The following ZNF438 variants were observed in gnomAD, a reference collection of about 807,000 sequenced individuals.
The protein encoded by ZNF438 is zinc finger protein 438.
Under a neutral mutation model 38.0 loss-of-function variants are expected in ZNF438, and 25 were observed. That is an observed-to-expected ratio of 0.66 (90% CI 0.48 to 0.92). The LOEUF (loss-of-function observed/expected upper bound fraction) is 0.92. Ranked by LOEUF, ZNF438 falls within the 40% of genes least tolerant of loss-of-function variation. The pLI, the probability that ZNF438 is intolerant of heterozygous loss-of-function variation, is 0.00. For synonymous variants in ZNF438, 372 were observed against 364.1 expected (o/e 1.02, Z -0.25); for missense variants, 1,007 against 999.6 (o/e 1.01, Z -0.10).
intron 1 of ZNF438, among the ~76,000 whole-genome samples, chr10:31,006,657 G>T (rs35645587): frequency 0.014 from 2,146 of 151,882 alleles, 26 homozygotes; most frequent in Non-Finnish European, 0.019. Flanking sequence ...CCTGAGACTT[G>T]CTGTGAGACT....
intron 1 of ZNF438, among the ~76,000 whole-genome samples, chr10:30,961,607 C>G (rs1388863099): frequency 4.1e-5 from 6 of 146,378 alleles, no homozygotes; most frequent in African/African-American, 1.5e-4. Flanking sequence ...AAGAATAGGG[C>G]TGGGCACAGT....
chr10:31,008,342 T>C (rs1025080062), intron 1 of ZNF438, among the ~76,000 whole-genome samples: 4 of 152,228 alleles, frequency 2.6e-5, no homozygotes, highest in Non-Finnish European at 5.9e-5. Flanking sequence ...TACAATTCCA[T>C]GGTTTTAGTA....
chr10:30,991,694 C>T (rs996165380), intron 1 of ZNF438, among the ~76,000 whole-genome samples: 2 of 152,170 alleles, frequency 1.3e-5, no homozygotes, highest in Non-Finnish European at 2.9e-5. Flanking sequence ...CCCCAGGATA[C>T]AAGCAGCAAC....
intron 1 of ZNF438, among the ~76,000 whole-genome samples, chr10:31,029,838 A>G (rs556100277): frequency 6.6e-5 from 10 of 152,320 alleles, no homozygotes; most frequent in African/African-American, 2.4e-4. Flanking sequence ...GCTGTGCTCT[A>G]AACACTCTCA....
At chr10:30,849,527 G>C (rs1335646281) in exon 5 of ZNF438, 1 of 1,614,242 alleles carries the variant, frequency 6.2e-7, no homozygotes, top group African/African-American at 1.3e-5. Flanking sequence ...GGGTGGGATT[G>C]GCAGTTTCCC....
At chr10:30,993,217 A>C (rs557345680) in intron 1 of ZNF438, among the ~76,000 whole-genome samples, 1 of 152,346 alleles carries the variant, frequency 6.6e-6, no homozygotes, top group South Asian at 2.1e-4. Flanking sequence ...GGACAATTAG[A>C]GAAAGACTCC....
At chr10:30,857,942 A>C (rs2034947147) in intron 4 of ZNF438, among the ~76,000 whole-genome samples, 2 of 152,378 alleles carry the variant, frequency 1.3e-5, no homozygotes, top group South Asian at 2.1e-4. Context: ...AGATAGCTAC[A>C]AACAGCTCAC....
chr10:31,018,664 T>A (rs1413688216), intron 1 of ZNF438, among the ~76,000 whole-genome samples: 3 of 152,244 alleles, frequency 2.0e-5, no homozygotes, highest in African/African-American at 7.2e-5. Flanking sequence ...AATAAACTGA[T>A]GCCAAAAACC....
At chr10:30,881,799 G>A (rs1431363367) in intron 3 of ZNF438, among the ~76,000 whole-genome samples, 2 of 152,112 alleles carry the variant, frequency 1.3e-5, no homozygotes, top group African/African-American at 4.8e-5. Context: ...GTATTTTCAT[G>A]AGAGTCCAAA....
At chr10:30,977,626 G>A (rs537143395) in intron 1 of ZNF438, among the ~76,000 whole-genome samples, 1 of 152,268 alleles carries the variant, frequency 6.6e-6, no homozygotes, top group African/African-American at 2.4e-5. Flanking sequence ...AAGCAGAGAA[G>A]CACAGTTTCT....
chr10:30,947,187 T>C lies in ZNF438; in HGVS notation c.-191-5536A>G, dbSNP rs114554647. On this transcript the variant is annotated intron_variant, in intron 1 of 5. Coordinates refer to ENST00000413025, the Ensembl canonical transcript of ZNF438. ...GCTGTCTTTTATCCTCCAGACCGCA[T>C]TGAGCTCATTCTCGAGTTGAAGGCC... is the stretch of plus-strand genomic sequence containing the variant. Among the ~76,000 whole-genome samples the C allele has an allele frequency of 5.9e-3, 895 of 152,324 alleles. 9 individuals are homozygous for C. Among genetic ancestry groups the C allele is most frequent in the African/African-American group, 0.021 (855 of 41,582 alleles).
intron 1 of ZNF438, among the ~76,000 whole-genome samples, chr10:30,955,318 GTT>G (rs746667002): frequency 6.6e-6 from 1 of 152,218 alleles, no homozygotes; most frequent in Non-Finnish European, 1.5e-5. Context: ...GGCCACAAAT[GTT>G]TTGATACTTC....
chr10:31,004,059 T>TG (rs1289421411), intron 1 of ZNF438, among the ~76,000 whole-genome samples: 1 of 152,148 alleles, frequency 6.6e-6, no homozygotes, highest in African/African-American at 2.4e-5. Flanking sequence ...TACTTCTCAA[T>TG]GGGGGGTGAT....
At chr10:30,866,893 T>G (rs569996239) in intron 4 of ZNF438, among the ~76,000 whole-genome samples, 2 of 152,184 alleles carry the variant, frequency 1.3e-5, no homozygotes, top group East Asian at 3.9e-4. Flanking sequence ...TTTTAAAATA[T>G]CGCACAATGA....
Position 30,859,781 on chromosome 10 carries a change from G to A in ZNF438, c.38-9414C>T, listed in dbSNP as rs367698468. On this transcript the variant is annotated intron_variant, in intron 4 of 5. Coordinates refer to ENST00000413025, the Ensembl canonical transcript of ZNF438. The stretch of plus-strand genomic sequence containing the variant: ...ACTTTCTCTTGCTAGAGACTATCAG[G>A]TTGTTGACATTTATTTTTGTTGGGA... Among the ~76,000 whole-genome samples, 14 of 152,260 alleles carry A rather than the reference G, an allele frequency of 9.2e-5. No individual in the cohort carries two copies. The East Asian group carries it at 1.9e-3, about 21-fold the overall frequency.
At chr10:30,856,904 A>G (rs2133021088) in intron 4 of ZNF438, among the ~76,000 whole-genome samples, 1 of 152,332 alleles carries the variant, frequency 6.6e-6, no homozygotes, top group Middle Eastern at 3.4e-3. Context: ...AAATTGATCT[A>G]GCTGGGATTA....
chr10:30,885,037 A>AATCT (rs1440579800), intron 3 of ZNF438, among the ~76,000 whole-genome samples: 18 of 152,350 alleles, frequency 1.2e-4, no homozygotes, highest in Admixed American at 8.5e-4. Context: ...TGTAGATGTC[A>AATCT]ATCTAGATTA....
intron 3 of ZNF438, among the ~76,000 whole-genome samples, chr10:30,890,442 T>C: frequency 6.6e-6 from 1 of 152,224 alleles, no homozygotes; most frequent in East Asian, 1.9e-4. Flanking sequence ...GTTCTCTCCT[T>C]CCTACATATC....
chr10:30,864,236 T>C (rs1330393043), intron 4 of ZNF438, among the ~76,000 whole-genome samples: 1 of 152,228 alleles, frequency 6.6e-6, no homozygotes, highest in Non-Finnish European at 1.5e-5. Flanking sequence ...ACTCTAAATA[T>C]ACAATGCTCA....
Sources: allele counts gnomAD v4.1 joint callset (sites outside exome capture counted in the v4.1 genomes callset), GRCh38; gene constraint gnomAD v4.1.1; transcripts MANE v1.5; gene names NCBI Gene and HGNC (gene_info 2026-07-23, HGNC 2026-07-21).